Variants in MAP3K19 observed in about 807,000 individuals in gnomAD.
The protein encoded by MAP3K19 is mitogen-activated protein kinase kinase kinase 19, also known as SPS1/STE20-related protein kinase YSK4.
Under a neutral mutation model 114.4 loss-of-function variants are expected in MAP3K19, and 91 were observed. The ratio of observed to expected loss-of-function variants is 0.80; its 90% CI spans 0.67 to 0.95. The LOEUF (loss-of-function observed/expected upper bound fraction) is 0.95. Ranked by LOEUF, MAP3K19 falls within the 40% of genes least tolerant of loss-of-function variation. The pLI is 0.00. For missense variants in MAP3K19, 1,471 were observed against 1,573.2 expected (o/e 0.94, Z 1.10); for synonymous variants, 518 against 530.5 (o/e 0.98, Z 0.32).
In MAP3K19 at chr2:134,987,812, T is replaced by C; in HGVS notation, c.1060A>G (p.Ser354Gly). 1 of 1,608,310 alleles carries C rather than the reference T, an allele frequency of 6.2e-7. No homozygotes were observed. Among genetic ancestry groups the C allele is most frequent in the Non-Finnish European group, 8.5e-7 (1 of 1,179,998 alleles). The change falls in exon 10 of 13, where the codon AGT becomes GGT. Residue 354 changes from serine to glycine, a missense_variant. Transcript: ENST00000392915. The stretch of plus-strand genomic sequence containing the variant: ...TCTTCTTCAGGTTTTCGCGTTTTAC[T>C]ACCATGGCAGTCAATATCCTCTTCC... Reference protein sequence around the residue: ...VREEDIDCHGSKTRKPEEENS... With the variant: ...VREEDIDCHGGKTRKPEEENS...
chr2:135,036,664 TG>T (rs1688536580), intron 2 of MAP3K19, among the ~76,000 whole-genome samples: 1 of 151,450 alleles, frequency 6.6e-6, no homozygotes, highest in African/African-American at 2.4e-5. Flanking sequence ...TGTGTGTGTG[TG>T]TGTGTGTGTG....
intron 12 of MAP3K19, among the ~76,000 whole-genome samples, chr2:134,980,087 G>GAGAT (rs1684525970): frequency 6.6e-6 from 1 of 152,176 alleles, no homozygotes; most frequent in Non-Finnish European, 1.5e-5. Context: ...TGCTAGGTAG[G>GAGAT]TGGGTTTGGG....
chr2:135,014,391 T>A (rs934659039), intron 5 of MAP3K19, among the ~76,000 whole-genome samples: 7 of 151,392 alleles, frequency 4.6e-5, no homozygotes, highest in African/African-American at 1.7e-4. Flanking sequence ...AAAAAAGGCA[T>A]GTTGTCCAGG....
At chr2:135,040,272 A>G (rs1044442512) in intron 2 of MAP3K19, 91 bp downstream of exon 2, 2 of 152,642 alleles carry the variant, frequency 1.3e-5, no homozygotes, top group African/African-American at 4.8e-5. Flanking sequence ...TTTCATGGCA[A>G]TGGGTGATAT....
intron 6 of MAP3K19, among the ~76,000 whole-genome samples, chr2:135,003,272 G>T (rs1686579782): frequency 6.6e-6 from 1 of 152,174 alleles, no homozygotes; most frequent in African/African-American, 2.4e-5. Flanking sequence ...TTGGCAGCAT[G>T]AGTGGACTAA....
At chr2:134,991,054 C>A (rs1685532167) in intron 9 of MAP3K19, among the ~76,000 whole-genome samples, 1 of 151,852 alleles carries the variant, frequency 6.6e-6, no homozygotes, top group Non-Finnish European at 1.5e-5. Flanking sequence ...GAACACCCAG[C>A]ACTTTGGGAG....
chr2:134,991,400 T>G (rs1685564779), intron 9 of MAP3K19, 137 bp downstream of exon 9: 2 of 728,540 alleles, frequency 2.7e-6, no homozygotes, highest in Admixed American at 2.2e-5. Flanking sequence ...GATTTTTGAC[T>G]GTGTTGGGGA....
In MAP3K19 at chr2:134,986,383, A is replaced by C; in HGVS notation, c.2489T>G (p.Leu830Arg). 1.9e-6 allele frequency: 3 copies of C among 1,613,870 alleles called. No individual in the cohort carries two copies. Among genetic ancestry groups the C allele is most frequent in the Non-Finnish European group, 2.5e-6 (3 of 1,179,998 alleles). ...TTGCAGATCTCTGAGGCTTGTGGTG[A>C]GTATTTGATTGTTAGAAATGTCTCT... ...GDRDISNNQI[L>R]TTSLRDLQEL... Residue 830 changes from leucine (L) to arginine (R), a missense_variant, in exon 10 of 13, where the codon CTC becomes CGC. Transcript: ENST00000392915.
intron 2 of MAP3K19, among the ~76,000 whole-genome samples, chr2:135,036,375 G>A (rs569535817): frequency 6.6e-6 from 1 of 152,244 alleles, no homozygotes; most frequent in African/African-American, 2.4e-5. Context: ...AAGTCCCCAA[G>A]AGCAAGAGAT....
chr2:135,023,369 A>C, intron 4 of MAP3K19: 1 of 507,000 alleles, frequency 2.0e-6, no homozygotes, highest in Non-Finnish European at 4.1e-6. Flanking sequence ...AGCCCTCTGC[A>C]ATTTTCTCAC....
At chr2:134,966,234 G>C (rs951414053) in intron 12 of MAP3K19, among the ~76,000 whole-genome samples, 3 of 152,116 alleles carry the variant, frequency 2.0e-5, no homozygotes, top group African/African-American at 4.8e-5. Flanking sequence ...CTTTCCTTTG[G>C]ATAAATACTC....
chr2:135,030,446 T>G lies in MAP3K19; in HGVS notation c.-229A>C, dbSNP rs1688353907. The G allele has an allele frequency of 6.6e-6, 1 of 152,612 alleles. No individual in the cohort carries two copies. Among genetic ancestry groups the G allele is most frequent in the Non-Finnish European group, 1.5e-5 (1 of 68,028 alleles). 9.5% of individuals were successfully genotyped at this position (152,612 alleles called of 1,614,324 possible). A position where few individuals can be genotyped will look rare whatever the true frequency, so the allele number is the denominator to read the frequency against. ...TTAGCTACATGAATTGCGGTTCGAT[T>G]GCTGTAATTGCAAAGGGTGATATCT... On this transcript the variant is annotated 5_prime_UTR_variant, in exon 3 of 13. Coordinates refer to ENST00000392915, the MANE Select transcript of MAP3K19 (RefSeq NM_025052.5).
rs577969694 is a variant in MAP3K19 at position 135,012,045 on chromosome 2, A to G, written c.139-6514T>C. On this transcript the variant is annotated intron_variant, in intron 5 of 12. Transcript: ENST00000392915. ...ATCTTATGCATGACACTCACCTTAA[A>G]GATTTGTCTCTAGGTATTTTATTTT... Among the ~76,000 whole-genome samples the G allele has an allele frequency of 2.0e-5, 3 of 152,346 alleles. No individual in the cohort carries two copies. In the East Asian group the frequency reaches 5.8e-4, roughly 29 times the overall value.
At chr2:135,025,917 G>T (rs1688244090) in intron 3 of MAP3K19, among the ~76,000 whole-genome samples, 1 of 152,188 alleles carries the variant, frequency 6.6e-6, no homozygotes, top group Non-Finnish European at 1.5e-5. Flanking sequence ...GGGAAACAAT[G>T]ATGAAACTTG....
At chr2:134,990,460 G>GTT (rs112948807) in intron 9 of MAP3K19, among the ~76,000 whole-genome samples, 87 of 145,790 alleles carry the variant, frequency 6.0e-4, no homozygotes, top group Admixed American at 1.5e-3. Flanking sequence ...TTCTTTTTTT[G>GTT]TTTTTTTTTT....
rs186144525 is a variant in MAP3K19, at chr2:134,981,935, A to G, written c.3223-417T>C. 4.1e-3 allele frequency among the ~76,000 whole-genome samples: 524 copies of G among 127,336 alleles called. 1 individual carries two copies. Among genetic ancestry groups the G allele is most frequent in the Middle Eastern group, 0.015 (3 of 204 alleles). The allele number at this position is 127,336 out of a possible 152,430, so 83.5% of individuals were successfully genotyped here. A position where few individuals can be genotyped will look rare whatever the true frequency, so the allele number is the denominator to read the frequency against. On this transcript the variant is annotated intron_variant, in intron 11 of 12. Coordinates refer to ENST00000392915, the MANE Select transcript of MAP3K19 (RefSeq NM_025052.5). Reference sequence around the variant, plus strand: ...TAGACAGGGTCTCACTCTGTTGCCCAGGCTGGAGTGCATTGGCACAATCAC... The same window carrying G: ...TAGACAGGGTCTCACTCTGTTGCCCGGGCTGGAGTGCATTGGCACAATCAC...
chr2:135,009,212 C>A (rs1386506917), intron 5 of MAP3K19, among the ~76,000 whole-genome samples: 2 of 151,232 alleles, frequency 1.3e-5, no homozygotes, highest in African/African-American at 4.9e-5. Flanking sequence ...TAATCCACCT[C>A]CCTCTGCCTC....
rs1349477813 is a variant in MAP3K19, at chr2:134,986,209, G to C, written c.2663C>G (p.Thr888Ser). The C allele has an allele frequency of 1.9e-6, 3 of 1,613,862 alleles. No homozygotes were observed. The East Asian group carries it at 6.7e-5, about 36-fold the overall frequency. The change falls in exon 10 of 13, where the codon ACT becomes AGT. Residue 888 changes from threonine (T) to serine (S), a missense_variant. Coordinates refer to ENST00000392915, the MANE Select transcript of MAP3K19 (RefSeq NM_025052.5). ...AACACTATCAAACTCTAGATCATTA[G>C]TTAAAATTCGGCTGGCATTTACTTT... ...LSKVNASRIL[T>S]NDLEFDSVSD...
rs751881090 is a variant in MAP3K19 at position 134,986,189 on chromosome 2, T to C, written c.2683A>G (p.Ser895Gly). 5.0e-6 allele frequency: 8 copies of C among 1,613,778 alleles called. No homozygotes were observed. The highest frequency in any genetic ancestry group is 2.2e-5 in the East Asian group (1 of 44,882). ...AGTGTTTTAGAGTGATCTGAAACACTATCAAACTCTAGATCATTAGTTAAA... is the reference window on the plus strand; with the variant it reads ...AGTGTTTTAGAGTGATCTGAAACACCATCAAACTCTAGATCATTAGTTAAA... Reference protein sequence around the residue: ...RILTNDLEFDSVSDHSKTLTN... With the variant: ...RILTNDLEFDGVSDHSKTLTN... Residue 895 changes from serine (S) to glycine (G), a missense_variant, in exon 10 of 13, where the codon AGT becomes GGT. By Grantham distance (56) the Ser-to-Gly change is moderately conservative. Coordinates refer to ENST00000392915, the MANE Select transcript of MAP3K19 (RefSeq NM_025052.5).
Sources: allele counts gnomAD v4.1 joint callset (sites outside exome capture counted in the v4.1 genomes callset), GRCh38; gene constraint gnomAD v4.1.1; transcripts MANE v1.5; gene names NCBI Gene and HGNC (gene_info 2026-07-23, HGNC 2026-07-21).